Variants in BCOR observed in about 807,000 individuals in gnomAD.
The protein encoded by BCOR is BCL6 corepressor, also known as BCL-6 corepressor.
In BCOR, 10 loss-of-function variants were observed where a neutral mutation model predicts 86.7. That is an observed-to-expected ratio of 0.12 (90% CI 0.07 to 0.20). The LOEUF (loss-of-function observed/expected upper bound fraction) is 0.20, where lower values mean the gene tolerates loss of function less well. BCOR is among the 10% of genes least tolerant of loss of function. The pLI, the probability that BCOR is intolerant of heterozygous loss-of-function variation, is 1.00. For synonymous variants in BCOR, 611 were observed against 609.0 expected, an observed-to-expected ratio of 1.00 and a Z score of -0.05; for missense variants, 1,259 against 1,452.1, an observed-to-expected ratio of 0.87 and a Z score of 2.16.
intron 1 of BCOR, among the ~76,000 whole-genome samples, chrX:40,138,954 G>T (rs190677333): frequency 1.6e-4 from 18 of 110,903 alleles, no homozygotes; most frequent in African/African-American, 3.9e-4. Context: ...GGGGAAGTAA[G>T]GTGGCGAGAG....
chrX:40,124,719 C>T (rs982864788), intron 1 of BCOR, among the ~76,000 whole-genome samples: 2 of 110,508 alleles, frequency 1.8e-5, no homozygotes, highest in Admixed American at 1.9e-4. Flanking sequence ...CCTCCCACCT[C>T]AGTCTCCCGA....
At position 40,073,733 on chromosome X, in the gene BCOR, T is replaced by C; in HGVS notation, c.1613A>G (p.Gln538Arg). 1 of 1,212,825 alleles carries C rather than the reference T, an allele frequency of 8.2e-7. No homozygotes were observed. Among genetic ancestry groups the C allele is most frequent in the East Asian group, 3.0e-5 (1 of 33,883 alleles). Reference sequence around the variant, plus strand: ...GCGCGGGCATGATGAACTCCGCTGCTGTGGTATCGCCCAGTCCAATGCCTT... The same window carrying C: ...GCGCGGGCATGATGAACTCCGCTGCCGTGGTATCGCCCAGTCCAATGCCTT... ...KNKALDWAIP[Q>R]QRSSSCPRMG... Residue 538 changes from glutamine (Q) to arginine (R), a missense_variant, in exon 4 of 15, where the codon CAG (glutamine) becomes CGG (arginine). Gln to Arg is a conservative substitution (Grantham distance 43). Coordinates refer to ENST00000378444, the MANE Select transcript of BCOR (RefSeq NM_001123385.2).
chrX:40,088,694 A>C (rs758853544), intron 1 of BCOR, among the ~76,000 whole-genome samples: 29 of 112,099 alleles, frequency 2.6e-4, no homozygotes, highest in African/African-American at 8.8e-4. Flanking sequence ...GATATAAAAG[A>C]AGCAATCCCT....
At chrX:40,148,212 G>C (rs1453396151) in intron 1 of BCOR, among the ~76,000 whole-genome samples, 1 of 111,781 alleles carries the variant, frequency 8.9e-6, no homozygotes, top group African/African-American at 3.3e-5. Context: ...ACCAGCAACA[G>C]TGTAACGTGA....
At chrX:40,104,819 G>T (rs1470366486) in intron 1 of BCOR, among the ~76,000 whole-genome samples, 6 of 112,761 alleles carry the variant, frequency 5.3e-5, no homozygotes, top group Non-Finnish European at 1.1e-4. Flanking sequence ...GAGCAAGCGG[G>T]TATCCGCTGA....
At chrX:40,069,560 C>T (rs1935370290) in intron 6 of BCOR, among the ~76,000 whole-genome samples, 1 of 112,387 alleles carries the variant, frequency 8.9e-6, no homozygotes, top group Admixed American at 9.4e-5. Context: ...TCCCTTCCTC[C>T]AGGCCCCCAG....
At chrX:40,131,631 G>A (rs983969244) in intron 1 of BCOR, among the ~76,000 whole-genome samples, 1 of 109,259 alleles carries the variant, frequency 9.2e-6, no homozygotes, top group East Asian at 2.8e-4. Context: ...TCGGCAACAA[G>A]AGCGAAACTC....
rs760236777 is a variant in BCOR, at chrX:40,074,503, A to G, written c.843T>C (p.His281=). ...SASPAIPPLV[H]CADKSLPWKM... is the part of the protein sequence containing the mutation. ...TCCACGGGAGGCTTTTGTCTGCGCA[A>G]TGGACGAGAGGCGGGATGGCTGGGG... The change falls in exon 4 of 15, where the codon CAT becomes CAC. Residue 281 remains histidine, a synonymous_variant. Transcript: ENST00000378444. 1.7e-6 allele frequency: 2 copies of G among 1,205,637 alleles called. No individual in the cohort carries two copies. The highest frequency in any genetic ancestry group is 2.2e-5 in the Admixed American group (1 of 45,195).
chrX:40,071,070 G>A lies in BCOR; in HGVS notation c.3141C>T (p.Ser1047=), dbSNP rs2147174101. The change falls in exon 6 of 15, where the codon AGC becomes AGT. Residue 1047 remains serine, a synonymous_variant. Transcript: ENST00000378444. ...CTTTCAACCTTTCCCAGTCGGCTGGGCTGAATTTGCACATCTCGGAGTCTT... is the reference window on the plus strand; with the variant it reads ...CTTTCAACCTTTCCCAGTCGGCTGGACTGAATTTGCACATCTCGGAGTCTT... ...ATKDSEMCKF[S]PADWERLKGN... 1 of 1,210,966 alleles carries A rather than the reference G, an allele frequency of 8.3e-7. No individual in the cohort carries two copies. The highest frequency in any genetic ancestry group is 1.8e-5 in the South Asian group (1 of 56,941).
At chrX:40,061,096 G>A (rs1003005460) in intron 10 of BCOR, among the ~76,000 whole-genome samples, 5 of 112,560 alleles carry the variant, frequency 4.4e-5, no homozygotes, top group African/African-American at 1.3e-4. Context: ...GGATCCTGTC[G>A]CCCGGGTGCT....
chrX:40,102,423 G>A (rs1937089409), upstream of BCOR, among the ~76,000 whole-genome samples: 2 of 113,706 alleles, frequency 1.8e-5, no homozygotes, highest in African/African-American at 3.2e-5. Context: ...GAGGCTGGCC[G>A]CCTCTTGCGC....
chrX:40,096,699 G>A (rs1023333113), intron 1 of BCOR, among the ~76,000 whole-genome samples: 1 of 112,240 alleles, frequency 8.9e-6, no homozygotes, highest in Non-Finnish European at 1.9e-5. Flanking sequence ...CCGGAGAGGC[G>A]AGACGAGGCG....
chrX:40,107,778 C>A, intron 1 of BCOR, among the ~76,000 whole-genome samples: 1 of 113,373 alleles, frequency 8.8e-6, no homozygotes, highest in East Asian at 2.8e-4. Context: ...CCTCTCACAG[C>A]CCCCTGGCTG....
In BCOR at chrX:40,122,655, C is replaced by T. The variant is rs186272498; in HGVS notation, c.-40-44686G>A. 7.0e-4 allele frequency among the ~76,000 whole-genome samples: 78 copies of T among 111,886 alleles called. No homozygotes were observed. In the East Asian group the frequency reaches 0.022, roughly 32 times the overall value. ...CCCAGTCGGCTCCTTCTTCCCATGCCCCAAGGACCATGGAAGCCGCCACTC... is the reference window on the plus strand; with the variant it reads ...CCCAGTCGGCTCCTTCTTCCCATGCTCCAAGGACCATGGAAGCCGCCACTC... On this transcript the variant is annotated intron_variant, in intron 1 of 14. Coordinates refer to the BCOR transcript ENST00000342274.
At chrX:40,085,561 T>TA (rs1936319419) in intron 1 of BCOR, among the ~76,000 whole-genome samples, 1 of 111,033 alleles carries the variant, frequency 9.0e-6, no homozygotes, top group Non-Finnish European at 1.9e-5. Context: ...TGTTAAAACT[T>TA]AGAGAGTAGA....
intron 1 of BCOR, among the ~76,000 whole-genome samples, chrX:40,115,754 G>A (rs763396369): frequency 1.3e-4 from 14 of 104,383 alleles, no homozygotes; most frequent in Non-Finnish European, 2.8e-4. Flanking sequence ...TCCAGCCTGG[G>A]TGACAGAGTG....
chrX:40,091,823 G>A (rs1319383098), intron 1 of BCOR, among the ~76,000 whole-genome samples: 1 of 113,024 alleles, frequency 8.8e-6, no homozygotes, highest in Non-Finnish European at 1.9e-5. Context: ...ACGGAATCCC[G>A]TCGGCCATAA....
At chrX:40,114,850 T>C in intron 1 of BCOR, among the ~76,000 whole-genome samples, 1 of 67,622 alleles carries the variant, frequency 1.5e-5, no homozygotes, top group Non-Finnish European at 2.8e-5. Context: ...TACCATTCAC[T>C]TTTTTTTTTT....
At chrX:40,125,556 T>C (rs932739370) in intron 1 of BCOR, among the ~76,000 whole-genome samples, 1 of 111,163 alleles carries the variant, frequency 9.0e-6, no homozygotes, top group African/African-American at 3.3e-5. Context: ...TTCTAATCAC[T>C]ACATTTTTCC....
Sources: gnomAD v4.1 joint callset for allele counts (sites outside exome capture counted in the v4.1 genomes callset) on GRCh38, gnomAD v4.1.1 for gene constraint, MANE v1.5 for transcripts, NCBI Gene and HGNC (gene_info 2026-07-23, HGNC 2026-07-21) for gene names.